Variants in TBC1D22A observed in about 807,000 individuals in gnomAD.
TBC1D22A encodes the protein TBC1 domain family member 22A.
A neutral mutation model predicts 60.2 loss-of-function variants in TBC1D22A; 38 were observed. That is an observed-to-expected ratio of 0.63 (90% CI 0.49 to 0.83). The LOEUF (loss-of-function observed/expected upper bound fraction) is 0.83. TBC1D22A is among the 40% of genes least tolerant of loss of function. TBC1D22A has a pLI of 0.00. For missense variants in TBC1D22A, 628 were observed against 701.0 expected (o/e 0.90, Z 1.18); for synonymous variants, 302 against 281.7 (o/e 1.07, Z -0.72).
At chr22:46,775,163 G>T (rs1263707848) in intron 1 of TBC1D22A, among the ~76,000 whole-genome samples, 1 of 152,204 alleles carries the variant, frequency 6.6e-6, no homozygotes, top group African/African-American at 2.4e-5. Flanking sequence ...TGGAAAGGGG[G>T]TGGGTCCCTT....
At chr22:46,766,150 A>C (rs2083279640) in intron 1 of TBC1D22A, among the ~76,000 whole-genome samples, 1 of 152,076 alleles carries the variant, frequency 6.6e-6, no homozygotes, top group South Asian at 2.1e-4. Context: ...GGCGCCTGCC[A>C]CCACACCTGG....
chr22:46,989,788 A>ACAC (rs1569309567), intron 9 of TBC1D22A, among the ~76,000 whole-genome samples: 2 of 108,692 alleles, frequency 1.8e-5, no homozygotes, highest in Non-Finnish European at 3.7e-5. Context: ...CACACACACA[A>ACAC]TAAATAAATA....
rs775677372 is a variant in TBC1D22A, at chr22:46,797,613, G to A, written c.630G>A (p.Thr210=). 3 of 1,605,838 alleles carry A rather than the reference G, an allele frequency of 1.9e-6. No individual in the cohort carries two copies. Among genetic ancestry groups the A allele is most frequent in the Non-Finnish European group, 1.7e-6 (2 of 1,175,030 alleles). The change falls in exon 4 of 13, where the codon ACG becomes ACA. Residue 210 remains threonine (T), a synonymous_variant. Transcript: ENST00000337137. ...KFKQLLAGPN[T]DLEELRRLSW... ...AGCAGCTGCTTGCCGGCCCCAACAC[G>A]GACCTTGGTAAGCACCCTGCCCTCT...
chr22:47,114,599 C>T (rs567473989), intron 12 of TBC1D22A, among the ~76,000 whole-genome samples: 9 of 152,166 alleles, frequency 5.9e-5, no homozygotes, highest in Middle Eastern at 3.4e-3. Context: ...TTTAGGAAGA[C>T]GCTTCCGCAT....
chr22:47,137,327 A>T (rs906780564), intron 12 of TBC1D22A, among the ~76,000 whole-genome samples: 6 of 152,194 alleles, frequency 3.9e-5, no homozygotes, highest in Non-Finnish European at 7.4e-5. Context: ...TCTGATTCTC[A>T]CTGAGGCTGG....
At chr22:46,894,332 A>G (rs2068557522) in intron 6 of TBC1D22A, among the ~76,000 whole-genome samples, 2 of 152,190 alleles carry the variant, frequency 1.3e-5, no homozygotes, top group Non-Finnish European at 2.9e-5. Flanking sequence ...TCCTTTGAGA[A>G]ATGTTCTAGA....
At chr22:47,005,481 C>T (rs1301641098) in intron 10 of TBC1D22A, among the ~76,000 whole-genome samples, 4 of 151,580 alleles carry the variant, frequency 2.6e-5, no homozygotes, top group Admixed American at 2.6e-4. Context: ...CACACGCATA[C>T]CTACACACAC....
intron 4 of TBC1D22A, among the ~76,000 whole-genome samples, chr22:46,840,849 G>A (rs2086726803): frequency 6.6e-6 from 1 of 152,106 alleles, no homozygotes; most frequent in African/African-American, 2.4e-5. Flanking sequence ...AAAACGGTAT[G>A]GAGGGTCCTC....
intron 4 of TBC1D22A, among the ~76,000 whole-genome samples, chr22:46,798,633 T>C (rs1365497142): frequency 1.3e-5 from 2 of 152,258 alleles, no homozygotes; most frequent in Non-Finnish European, 1.5e-5. Flanking sequence ...AGGTGTTTGC[T>C]AGACGCTGGA....
chr22:46,769,859 C>T (rs1215386406), intron 1 of TBC1D22A, among the ~76,000 whole-genome samples: 1 of 151,984 alleles, frequency 6.6e-6, no homozygotes, highest in Non-Finnish European at 1.5e-5. Context: ...TGGAGAGGAT[C>T]GGGCATGTTC....
At chr22:46,940,965 GAA>G (rs2071982942) in intron 8 of TBC1D22A, among the ~76,000 whole-genome samples, 1 of 125,566 alleles carries the variant, frequency 8.0e-6, no homozygotes, top group Non-Finnish European at 1.6e-5. Flanking sequence ...TGAGGCACTA[GAA>G]TATATATATA....
In TBC1D22A at chr22:46,997,249, G is replaced by A. The variant is rs116640804; in HGVS notation, c.1126-385G>A. Among the ~76,000 whole-genome samples the A allele has an allele frequency of 2.4e-3, 364 of 152,366 alleles. 5 individuals are homozygous for A. The highest frequency in any genetic ancestry group is 8.4e-3 in the African/African-American group (351 of 41,588). ...TTTGCCGTTGGTTCCCGGCAGGGCT[G>A]AGTGCTTAGGGTCCAGGTGGCCAGC... is the stretch of plus-strand genomic sequence containing the variant. On this transcript the variant is annotated intron_variant, in intron 9 of 12. Coordinates refer to ENST00000337137, the MANE Select transcript of TBC1D22A (RefSeq NM_014346.5).
chr22:46,766,458 C>T (rs890785366), intron 1 of TBC1D22A, among the ~76,000 whole-genome samples: 2 of 152,088 alleles, frequency 1.3e-5, no homozygotes, highest in African/African-American at 4.8e-5. Flanking sequence ...TGAGTGCAGC[C>T]CTCATCTCAA....
intron 1 of TBC1D22A, chr22:46,789,541 C>G: frequency 5.6e-6 from 1 of 178,648 alleles, no homozygotes; most frequent in Non-Finnish European, 1.3e-5. Flanking sequence ...AGTGCCCTGT[C>G]CGAGAGTCAG....
chr22:47,115,243 A>C (rs2065996012), intron 12 of TBC1D22A, among the ~76,000 whole-genome samples: 1 of 152,162 alleles, frequency 6.6e-6, no homozygotes, highest in Admixed American at 6.5e-5. Flanking sequence ...GTCCTCAGGA[A>C]GGGTGGTTGC....
At chr22:47,109,994 T>C (rs186008674) in intron 11 of TBC1D22A, among the ~76,000 whole-genome samples, 311 of 152,222 alleles carry the variant, frequency 2.0e-3, no homozygotes, top group African/African-American at 7.2e-3. Flanking sequence ...TTTTGAAGCC[T>C]GCATTTTTCC....
At position 46,818,408 on chromosome 22, in the gene TBC1D22A, C is replaced by T. The variant is rs190266893; in HGVS notation, c.637+20788C>T. Among the ~76,000 whole-genome samples, 5 of 152,274 alleles carry T rather than the reference C, an allele frequency of 3.3e-5. No homozygotes were observed. In the East Asian group the frequency reaches 9.6e-4, roughly 29 times the overall value. The stretch of plus-strand genomic sequence containing the variant: ...TTTTACATGTAAGTCTTTAAGCCAT[C>T]TTGAGTTAATTTTTGTTTAAGGTAT... On this transcript the variant is annotated intron_variant, in intron 4 of 12. Coordinates refer to ENST00000337137, the MANE Select transcript of TBC1D22A (RefSeq NM_014346.5).
intron 8 of TBC1D22A, among the ~76,000 whole-genome samples, chr22:46,917,717 A>G (rs552194160): frequency 6.6e-6 from 1 of 152,268 alleles, no homozygotes; most frequent in South Asian, 2.1e-4. Flanking sequence ...GGCTGCTGAC[A>G]GTCGCGGCTG....
intron 3 of TBC1D22A, among the ~76,000 whole-genome samples, chr22:46,796,863 T>TG (rs2084676136): frequency 6.6e-6 from 1 of 152,174 alleles, no homozygotes; most frequent in African/African-American, 2.4e-5. Context: ...AGGGTCCCTG[T>TG]GGGACCTTCC....
Sources: gnomAD v4.1 joint callset for allele counts (sites outside exome capture counted in the v4.1 genomes callset) on GRCh38, gnomAD v4.1.1 for gene constraint, MANE v1.5 for transcripts, NCBI Gene and HGNC (gene_info 2026-07-23, HGNC 2026-07-21) for gene names.